IGSF21: variants seen among roughly 807,000 people sequenced by gnomAD.
IGSF21 encodes immunoglobin superfamily member 21, also known as immunoglobulin superfamily member 21.
Under a neutral mutation model 46.8 loss-of-function variants are expected in IGSF21, and 28 were observed. The observed-to-expected ratio is 0.60, with a 90% CI of 0.44 to 0.82. IGSF21 has a LOEUF of 0.82. Among genes scored for constraint, IGSF21 ranks in the 40% least tolerant of loss-of-function variants. IGSF21 has a pLI of 0.00. For missense variants in IGSF21, 624 were observed against 665.5 expected (o/e 0.94, Z 0.69); for synonymous variants, 284 against 273.6 (o/e 1.04, Z -0.38).
intron 1 of IGSF21, among the ~76,000 whole-genome samples, chr1:18,206,851 A>G (rs761912238): frequency 2.0e-5 from 3 of 152,206 alleles, no homozygotes; most frequent in Non-Finnish European, 4.4e-5. Context: ...GCTATCTCAG[A>G]TAAACATGAT....
rs1256469568 is a variant in IGSF21 at position 18,250,086 on chromosome 1, ACTCCCTCCCTCGCTCC to A, written c.183+22088_183+22103del. 2.7e-3 allele frequency among the ~76,000 whole-genome samples: 109 copies of A among 39,638 alleles called. 1 individual carries two copies. The East Asian group carries it at 0.078, about 28-fold the overall frequency. The allele number at this position is 39,638 out of a possible 152,430, so 26.0% of individuals were successfully genotyped here. A position where few individuals can be genotyped will look rare whatever the true frequency, so the allele number is the denominator to read the frequency against. On this transcript the variant is annotated intron_variant, in intron 2 of 9. Transcript: ENST00000251296. ...TCCTCCCTCCCCCCTTCCATCCCCC[ACTCCCTCCCTCGCTCC>A]CTCCCTCCCTCCCTCCCTCCCTCCC...
chr1:18,250,762 A>G (rs1275873874), intron 2 of IGSF21, among the ~76,000 whole-genome samples: 3 of 152,188 alleles, frequency 2.0e-5, no homozygotes, highest in African/African-American at 7.2e-5. Flanking sequence ...ACAAGCATTT[A>G]TAAAGTGCCT....
At chr1:18,139,045 A>C (rs1290483107) in intron 1 of IGSF21, among the ~76,000 whole-genome samples, 1 of 152,014 alleles carries the variant, frequency 6.6e-6, no homozygotes, top group Non-Finnish European at 1.5e-5. Context: ...ACTGAATTCA[A>C]TGCTGCTGGT....
intron 4 of IGSF21, among the ~76,000 whole-genome samples, chr1:18,351,882 G>T (rs1449052452): frequency 7.9e-5 from 12 of 152,226 alleles, no homozygotes; most frequent in Non-Finnish European, 1.8e-4. Flanking sequence ...ACTACAGAGC[G>T]GAGGCAGTTG....
At chr1:18,185,211 C>T (rs1163238164) in intron 1 of IGSF21, among the ~76,000 whole-genome samples, 8 of 152,080 alleles carry the variant, frequency 5.3e-5, no homozygotes, top group Non-Finnish European at 1.0e-4. Context: ...AAGGGATCCC[C>T]GCATAGTGGG....
intron 1 of IGSF21, among the ~76,000 whole-genome samples, chr1:18,220,445 G>T (rs570894082): frequency 6.6e-6 from 1 of 152,260 alleles, no homozygotes; most frequent in East Asian, 1.9e-4. Context: ...AGAAACAGGT[G>T]CCTCTGTGAG....
chr1:18,287,086 C>T (rs2085219104), intron 2 of IGSF21, among the ~76,000 whole-genome samples: 1 of 150,770 alleles, frequency 6.6e-6, no homozygotes, highest in African/African-American at 2.4e-5. Flanking sequence ...GAGGCTGAGG[C>T]AGGAGAATGG....
chr1:18,257,538 G>T (rs2084903385), intron 2 of IGSF21, among the ~76,000 whole-genome samples: 1 of 152,148 alleles, frequency 6.6e-6, no homozygotes, highest in Non-Finnish European at 1.5e-5. Context: ...TCAAGTCATG[G>T]CTGGAGTGGA....
chr1:18,291,761 T>C lies in IGSF21; in HGVS notation c.184-105T>C. On this transcript the variant is annotated intron_variant, in intron 2 of 9. Coordinates refer to ENST00000251296, the MANE Select transcript of IGSF21 (RefSeq NM_032880.5). ...TACCTTATTCTCAGGATGGGGGCTG[T>C]CCTTCTTCTGGGCTTCCTGCCTGCA... The C allele has an allele frequency of 2.2e-6, 3 of 1,374,292 alleles. No homozygotes were observed. The Admixed American group carries it at 5.5e-5, about 25-fold the overall frequency. 85.1% of individuals were successfully genotyped at this position (1,374,292 alleles called of 1,614,324 possible).
chr1:18,172,493 G>C (rs879502368), intron 1 of IGSF21, among the ~76,000 whole-genome samples: 3 of 152,188 alleles, frequency 2.0e-5, no homozygotes, highest in Non-Finnish European at 4.4e-5. Flanking sequence ...CAGCAGGGTC[G>C]GGTTCTGGGG....
At chr1:18,143,207 G>T (rs933007741) in intron 1 of IGSF21, among the ~76,000 whole-genome samples, 2 of 152,306 alleles carry the variant, frequency 1.3e-5, no homozygotes, top group East Asian at 3.9e-4. Context: ...GAGTGCAGCC[G>T]TGATTTAATC....
intron 8 of IGSF21, 37 bp downstream of exon 8, chr1:18,377,029 A>T: frequency 6.4e-7 from 1 of 1,557,584 alleles, no homozygotes; most frequent in Non-Finnish European, 8.7e-7. Flanking sequence ...GAGAACAACC[A>T]CAGGGGCGGG....
intron 4 of IGSF21, among the ~76,000 whole-genome samples, chr1:18,336,290 A>T (rs555995877): frequency 6.6e-6 from 1 of 152,356 alleles, no homozygotes; most frequent in African/African-American, 2.4e-5. Context: ...GAGTGACTGC[A>T]GGTGGGTGGC....
chr1:18,334,869 A>G lies in IGSF21; in HGVS notation c.306-23A>G. ...CCCAGCCCCACGATGAAGGGCCCTC[A>G]CCCTGTCTTCTGCCTCCCCCAGGCT... is the stretch of plus-strand genomic sequence containing the variant. On this transcript the variant is annotated intron_variant, in intron 3 of 9. Coordinates refer to ENST00000251296, the MANE Select transcript of IGSF21 (RefSeq NM_032880.5). The surrounding 1 kb of genome is among the most constrained non-coding windows in gnomAD (Gnocchi z 4.3). 1 of 1,582,292 alleles carries G rather than the reference A, an allele frequency of 6.3e-7. No individual in the cohort carries two copies. Among genetic ancestry groups the G allele is most frequent in the Non-Finnish European group, 8.7e-7 (1 of 1,151,456 alleles).
chr1:18,110,123 G>C (rs2086129110), intron 1 of IGSF21: 1 of 152,462 alleles, frequency 6.6e-6, no homozygotes, highest in South Asian at 2.1e-4. Context: ...GGGTTGGCGT[G>C]CCTGAGGGTG....
chr1:18,287,267 G>A (rs1484849591), intron 2 of IGSF21, among the ~76,000 whole-genome samples: 4 of 151,758 alleles, frequency 2.6e-5, no homozygotes, highest in Non-Finnish European at 5.9e-5. Flanking sequence ...GTGGTGGCAG[G>A]TGCCTGTAGT....
intron 1 of IGSF21, among the ~76,000 whole-genome samples, chr1:18,137,930 G>A (rs2086382080): frequency 6.6e-6 from 1 of 152,118 alleles, no homozygotes; most frequent in African/African-American, 2.4e-5. Flanking sequence ...GAGAGGTTAT[G>A]TAGCTGACTC....
At chr1:18,135,035 G>A (rs1005883104) in intron 1 of IGSF21, among the ~76,000 whole-genome samples, 2 of 152,220 alleles carry the variant, frequency 1.3e-5, no homozygotes, top group African/African-American at 4.8e-5. Flanking sequence ...AGCTTAGTGA[G>A]CTGGGGTATT....
intron 1 of IGSF21, among the ~76,000 whole-genome samples, chr1:18,122,605 T>C (rs12046136): frequency 6.6e-6 from 1 of 151,964 alleles, no homozygotes; most frequent in East Asian, 1.9e-4. Context: ...TTTGTTGTAT[T>C]GACTGTCGAT....
Sources: allele counts gnomAD v4.1 joint callset (sites outside exome capture counted in the v4.1 genomes callset), GRCh38; gene constraint gnomAD v4.1.1; non-coding constraint Gnocchi (gnomAD v3.1); transcripts MANE v1.5; gene names NCBI Gene and HGNC (gene_info 2026-07-23, HGNC 2026-07-21).